The following SRPRA variants were observed in gnomAD, a reference collection of about 807,000 sequenced individuals.
SRPRA encodes signal recognition particle receptor subunit alpha.
A neutral mutation model predicts 61.1 loss-of-function variants in SRPRA; 30 were observed. The ratio of observed to expected loss-of-function variants is 0.49; its 90% confidence interval spans 0.37 to 0.67. The LOEUF (loss-of-function observed/expected upper bound fraction) is 0.67, where lower values mean the gene tolerates loss of function less well. SRPRA is among the 30% of genes least tolerant of loss of function. SRPRA has a pLI of 0.00. For missense variants in SRPRA, 759 were observed against 828.4 expected, an observed-to-expected ratio of 0.92 and a Z score of 1.03; for synonymous variants, 324 against 299.7, an observed-to-expected ratio of 1.08 and a Z score of -0.84.
chr11:126,265,552 C>T lies in SRPRA; in HGVS notation c.1139-112G>A. The T allele has an allele frequency of 1.5e-6, 2 of 1,295,608 alleles. No homozygotes were observed. Among genetic ancestry groups the T allele is most frequent in the Non-Finnish European group, 2.1e-6 (2 of 942,160 alleles). The allele number at this position is 1,295,608 out of a possible 1,614,324, so 80.3% of individuals were successfully genotyped here. On this transcript the variant is annotated intron_variant, in intron 9 of 13. Transcript: ENST00000332118. The surrounding 1 kb of genome is among the most constrained non-coding windows in gnomAD (Gnocchi z 6.3). Reference sequence around the variant, plus strand: ...TAAAACAGTAAATTAGACTCTTGTCCCAGAAATCCAGAACAGACGCACATT... The same window carrying T: ...TAAAACAGTAAATTAGACTCTTGTCTCAGAAATCCAGAACAGACGCACATT...
chr11:126,237,911 T>G, the SRPRA span, among the ~76,000 whole-genome samples: 5 of 151,822 alleles, frequency 3.3e-5, no homozygotes, highest in African/African-American at 7.2e-5. Flanking sequence ...CATTGTTTTC[T>G]TTTAATTTTT....
chr11:126,241,110 G>A, the SRPRA span: 1 of 1,474,522 alleles, frequency 6.8e-7, no homozygotes, highest in Non-Finnish European at 9.1e-7. Context: ...CAACTAGCAT[G>A]ATTTGGCTGT....
downstream of SRPRA, chr11:126,262,472 G>T: frequency 6.0e-6 from 2 of 333,796 alleles, no homozygotes; most frequent in South Asian, 7.5e-5. Context: ...AAGGACTCGG[G>T]GTCTGGATGC....
chr11:126,246,593 G>A, the SRPRA span, among the ~76,000 whole-genome samples: 1 of 152,074 alleles, frequency 6.6e-6, no homozygotes, highest in Non-Finnish European at 1.5e-5. Context: ...AGGCGGTGGG[G>A]GAACAGGTTT....
chr11:126,254,458 C>G, the SRPRA span: 4 of 1,611,896 alleles, frequency 2.5e-6, no homozygotes, highest in East Asian at 2.2e-5. Context: ...TCTTGCTGGT[C>G]TCAGGAACTC....
the SRPRA span, chr11:126,241,146 G>A: frequency 8.1e-7 from 1 of 1,232,912 alleles, no homozygotes; most frequent in South Asian, 1.5e-5. Flanking sequence ...AAATGTAACA[G>A]GGATATTCAT....
At chr11:126,259,370 G>A (rs75546613), downstream of SRPRA, among the ~76,000 whole-genome samples, 1,167 of 151,490 alleles carry the variant, frequency 7.7e-3, 14 homozygotes, top group African/African-American at 0.027. Flanking sequence ...TCAAGCAGTG[G>A]GAAAAAGAAA....
chr11:126,247,921 G>A, the SRPRA span, among the ~76,000 whole-genome samples: 14 of 142,666 alleles, frequency 9.8e-5, no homozygotes, highest in South Asian at 1.8e-3. Flanking sequence ...ATATAGATAC[G>A]TATATCTATA....
rs1950851916 is a variant in SRPRA at position 126,267,946 on chromosome 11, C to G, written c.201+57G>C. On this transcript the variant is annotated intron_variant, in intron 2 of 13. Coordinates refer to ENST00000332118, the MANE Select transcript of SRPRA (RefSeq NM_003139.4). The surrounding 1 kb of genome is among the most constrained non-coding windows in gnomAD (Gnocchi z 4.2). The stretch of plus-strand genomic sequence containing the variant: ...ACTGGCTGCAATTAATCAGAGTTCT[C>G]TTAAAAATCAGGGCTATGTTAACAA... 46 of 1,568,140 alleles carry G rather than the reference C, an allele frequency of 2.9e-5. No homozygotes were observed. The South Asian group carries it at 4.9e-4, about 17-fold the overall frequency.
the SRPRA span, chr11:126,250,715 C>A: frequency 6.2e-7 from 1 of 1,612,966 alleles, no homozygotes. The surrounding 1 kb of genome is among the most constrained non-coding windows in gnomAD (Gnocchi z 5.1). Context: ...AATCCCTTGA[C>A]CTTACTGATG....
chr11:126,246,571 C>T, the SRPRA span, among the ~76,000 whole-genome samples: 1 of 152,116 alleles, frequency 6.6e-6, no homozygotes, highest in African/African-American at 2.4e-5. Context: ...ATGTTAATAA[C>T]CCTGGGGCGG....
At chr11:126,261,396 A>G, downstream of SRPRA, 1 of 1,603,504 alleles carries the variant, frequency 6.2e-7, no homozygotes, top group Non-Finnish European at 8.5e-7. Context: ...TTTTCAGTCT[A>G]ATGTCTGATG....
the SRPRA span, chr11:126,250,704 G>C: frequency 6.2e-7 from 1 of 1,613,862 alleles, no homozygotes; most frequent in African/African-American, 1.3e-5. The surrounding 1 kb of genome is among the most constrained non-coding windows in gnomAD (Gnocchi z 5.1). Flanking sequence ...GAAACAGCTT[G>C]AATCCCTTGA....
chr11:126,250,406 A>G, the SRPRA span: 5 of 792,852 alleles, frequency 6.3e-6, no homozygotes, highest in South Asian at 8.7e-5. The surrounding 1 kb of genome is among the most constrained non-coding windows in gnomAD (Gnocchi z 5.1). Context: ...CTCTGTTTTG[A>G]ATTCAAAATA....
the SRPRA span, among the ~76,000 whole-genome samples, chr11:126,242,870 A>T: frequency 6.6e-6 from 1 of 152,236 alleles, no homozygotes; most frequent in East Asian, 1.9e-4. Flanking sequence ...TCATAAGTAT[A>T]TACCTAAGCG....
the SRPRA span, among the ~76,000 whole-genome samples, chr11:126,244,046 CCA>C: frequency 2.6e-5 from 4 of 151,814 alleles, no homozygotes; most frequent in Non-Finnish European, 5.9e-5. This position sits in a 1 kb window ranked among gnomAD's most constrained non-coding sequence, Gnocchi z 4.5. Flanking sequence ...TTTAAAAAAG[CCA>C]CACTCTACAA....
At position 126,266,591 on chromosome 11, in the gene SRPRA, T is replaced by C. The variant is rs1451098301; in HGVS notation, c.725A>G (p.Lys242Arg). Residue 242 changes from lysine to arginine, a missense_variant, in exon 6 of 14, where the codon AAA (lysine) becomes AGA (arginine). Transcript: ENST00000332118. ...CAGTTCCCACACCCGGGGTGCTTTT[T>C]TGCCCTTCTCCTTTGGAGCATCTGA... is the stretch of plus-strand genomic sequence containing the variant. ...TKSDAPKEKG[K>R]KAPRVWELGG... 6.2e-7 allele frequency: 1 copy of C among 1,614,220 alleles called. No individual in the cohort carries two copies. Among genetic ancestry groups the C allele is most frequent in the Non-Finnish European group, 8.5e-7 (1 of 1,180,028 alleles).
the SRPRA span, among the ~76,000 whole-genome samples, chr11:126,247,881 CTATATATATATATA>C: frequency 7.2e-6 from 1 of 138,856 alleles, no homozygotes; most frequent in African/African-American, 2.6e-5. Flanking sequence ...ATATATATAT[CTATATATATATATA>C]GATATACGTA....
chr11:126,246,010 AGAAAG>A, the SRPRA span, among the ~76,000 whole-genome samples: 3 of 151,376 alleles, frequency 2.0e-5, no homozygotes, highest in Non-Finnish European at 4.4e-5. Context: ...AAAAAAAAAA[AGAAAG>A]AAAGAAAGAA....
Sources: allele counts gnomAD v4.1 joint callset (sites outside exome capture counted in the v4.1 genomes callset), GRCh38; gene constraint gnomAD v4.1.1; non-coding constraint Gnocchi (gnomAD v3.1); transcripts MANE v1.5; gene names NCBI Gene and HGNC (gene_info 2026-07-23, HGNC 2026-07-21).